The following ARID1B variants were observed in gnomAD, a reference collection of about 807,000 sequenced individuals.
ARID1B encodes the protein AT-rich interactive domain-containing protein 1B.
In ARID1B, 30 loss-of-function variants were observed where a neutral mutation model predicts 212.3. That is an observed-to-expected ratio of 0.14 (90% CI 0.11 to 0.19). The LOEUF (loss-of-function observed/expected upper bound fraction) is 0.19, where lower values mean the gene tolerates loss of function less well. Ranked by LOEUF, ARID1B falls within the 10% of genes least tolerant of loss-of-function variation. ARID1B has a pLI of 1.00. For missense variants in ARID1B, 2,891 were observed against 3,204.0 expected, an observed-to-expected ratio of 0.90 and a Z score of 2.36; for synonymous variants, 1,402 against 1,301.7, an observed-to-expected ratio of 1.08 and a Z score of -1.66.
At position 157,161,117 on chromosome 6, in the gene ARID1B, A is replaced by T. The variant is rs145674085; in HGVS notation, c.3090-5923A>T. Among the ~76,000 whole-genome samples, 1,001 of 152,298 alleles carry T rather than the reference A, an allele frequency of 6.6e-3. 9 individuals carry two copies. Among genetic ancestry groups the T allele is most frequent in the African/African-American group, 0.023 (962 of 41,546 alleles). On this transcript the variant is annotated intron_variant, in intron 8 of 19. Transcript: ENST00000636930. ...CAGTAGGTATTTCTGGTTAATTGTA[A>T]TTACTTATAGCATGTCTCCCTGAGC...
At chr6:156,861,828 C>G (rs144301927) in intron 2 of ARID1B, among the ~76,000 whole-genome samples, 1 of 152,062 alleles carries the variant, frequency 6.6e-6, no homozygotes, top group African/African-American at 2.4e-5. Flanking sequence ...GTGGGCTAGA[C>G]AGGGAGCCTG....
chr6:157,021,662 G>A lies in ARID1B; in HGVS notation c.2248-63000G>A, dbSNP rs148425023. On this transcript the variant is annotated intron_variant, in intron 4 of 19. Coordinates refer to ENST00000636930, the MANE Select transcript of ARID1B (RefSeq NM_001374828.1). ...GCCTTTGTGGGACCCCGCGGAAGGA[G>A]GCGCCGGCCGCAGCCACATTCCTTT... is the stretch of plus-strand genomic sequence containing the variant. Among the ~76,000 whole-genome samples the A allele has an allele frequency of 3.2e-3, 483 of 152,274 alleles. 6 individuals are homozygous for A. The highest frequency in any genetic ancestry group is 0.026 in the Admixed American group (401 of 15,302).
intron 4 of ARID1B, among the ~76,000 whole-genome samples, chr6:157,067,880 A>T (rs1031965294): frequency 3.3e-5 from 5 of 152,136 alleles, no homozygotes; most frequent in African/African-American, 1.2e-4. Flanking sequence ...CCATAGGTGG[A>T]GTTAATTCCA....
intron 1 of ARID1B, among the ~76,000 whole-genome samples, chr6:156,826,009 G>A (rs1000360719): frequency 2.0e-5 from 3 of 152,160 alleles, no homozygotes; most frequent in Admixed American, 1.3e-4. Context: ...TAATTATGAA[G>A]GCGGCTCAGG....
intron 1 of ARID1B, among the ~76,000 whole-genome samples, chr6:156,796,708 T>A (rs1780405601): frequency 6.6e-6 from 1 of 152,188 alleles, no homozygotes; most frequent in Non-Finnish European, 1.5e-5. Flanking sequence ...GCATAGAGAA[T>A]AGTTATCCTT....
At chr6:156,980,431 C>T (rs759004342) in intron 4 of ARID1B, among the ~76,000 whole-genome samples, 20 of 151,994 alleles carry the variant, frequency 1.3e-4, no homozygotes, top group Admixed American at 5.9e-4. Flanking sequence ...AGCAGTGAGC[C>T]GAGATCATGC....
chr6:157,190,297 A>G lies in ARID1B; in HGVS notation c.4231+87A>G, dbSNP rs1793269851. The G allele has an allele frequency of 7.0e-7, 1 of 1,429,716 alleles. No individual in the cohort carries two copies. Among genetic ancestry groups the G allele is most frequent in the East Asian group, 2.3e-5 (1 of 43,258 alleles). 88.6% of individuals were successfully genotyped at this position (1,429,716 alleles called of 1,614,324 possible). Reference sequence around the variant, plus strand: ...CACAACAGTTCACCTTTCACTCAGAACACCTCTGAGCCCATGCTGCATCGG... The same window carrying G: ...CACAACAGTTCACCTTTCACTCAGAGCACCTCTGAGCCCATGCTGCATCGG... On this transcript the variant is annotated intron_variant, in intron 15 of 19. Coordinates refer to ENST00000636930, the MANE Select transcript of ARID1B (RefSeq NM_001374828.1). This position sits in a 1 kb window ranked among gnomAD's most constrained non-coding sequence, Gnocchi z 4.6.
At chr6:156,946,287 G>T (rs992777677) in intron 4 of ARID1B, among the ~76,000 whole-genome samples, 2 of 151,952 alleles carry the variant, frequency 1.3e-5, no homozygotes, top group African/African-American at 4.8e-5. Context: ...CAAGAGAATT[G>T]CTTGAACCTG....
intron 4 of ARID1B, among the ~76,000 whole-genome samples, chr6:156,990,657 A>G (rs1050317883): frequency 6.6e-6 from 1 of 151,982 alleles, no homozygotes; most frequent in African/African-American, 2.4e-5. Context: ...ACAAACAAAC[A>G]AACAGAACAT....
At chr6:157,036,656 G>T (rs1333373359) in intron 4 of ARID1B, 1 of 337,456 alleles carries the variant, frequency 3.0e-6, no homozygotes, top group Non-Finnish European at 5.9e-6. Context: ...ACGGTGACTG[G>T]GATTTCAGCC....
chr6:156,856,652 G>A (rs1013906449), intron 2 of ARID1B, among the ~76,000 whole-genome samples: 1 of 149,378 alleles, frequency 6.7e-6, no homozygotes, highest in African/African-American at 2.5e-5. Context: ...AATACATCCT[G>A]TGTGTGTGGG....
intron 3 of ARID1B, among the ~76,000 whole-genome samples, chr6:156,921,499 T>A (rs960327265): frequency 4.7e-5 from 7 of 148,482 alleles, no homozygotes; most frequent in Non-Finnish European, 1.0e-4. Context: ...ACACAAAATG[T>A]AAGGGAATCT....
At chr6:157,023,117 G>C (rs950892269) in intron 4 of ARID1B, 6 of 152,214 alleles carry the variant, frequency 3.9e-5, no homozygotes, top group African/African-American at 9.7e-5. Context: ...GCCAGTTACA[G>C]TTTAAATTAA....
At chr6:157,108,891 T>C (rs182317471) in intron 5 of ARID1B, among the ~76,000 whole-genome samples, 3 of 152,336 alleles carry the variant, frequency 2.0e-5, no homozygotes, top group Admixed American at 1.3e-4. Flanking sequence ...TCTTTGGTTT[T>C]CACTTAATCT....
At chr6:157,178,178 A>G (rs1202626919) in intron 11 of ARID1B, among the ~76,000 whole-genome samples, 1 of 152,046 alleles carries the variant, frequency 6.6e-6, no homozygotes, top group Non-Finnish European at 1.5e-5. Flanking sequence ...GCTCGGTGAA[A>G]TCCTGTTTAT....
intron 6 of ARID1B, among the ~76,000 whole-genome samples, chr6:157,113,210 C>T (rs533007538): frequency 1.1e-4 from 16 of 152,252 alleles, no homozygotes; most frequent in African/African-American, 3.1e-4. Context: ...CATGAGCCAC[C>T]GCACCCGGCC....
At chr6:156,994,822 C>T (rs1778491953) in intron 4 of ARID1B, among the ~76,000 whole-genome samples, 1 of 152,180 alleles carries the variant, frequency 6.6e-6, no homozygotes, top group South Asian at 2.1e-4. Flanking sequence ...CCCGGTGTGC[C>T]CTCACAGGAG....
At chr6:157,194,789 C>T (rs1000230871) in intron 15 of ARID1B, 1 of 152,124 alleles carries the variant, frequency 6.6e-6, no homozygotes, top group African/African-American at 2.4e-5. Flanking sequence ...CTCCTTACAA[C>T]CATTTCATGA....
At chr6:156,846,326 T>A (rs958333536) in intron 2 of ARID1B, among the ~76,000 whole-genome samples, 22 of 148,884 alleles carry the variant, frequency 1.5e-4, no homozygotes, top group African/African-American at 5.1e-4. Flanking sequence ...GGCTAATATT[T>A]TTTTTTTTTT....
Sources: allele counts gnomAD v4.1 joint callset (sites outside exome capture counted in the v4.1 genomes callset), GRCh38; gene constraint gnomAD v4.1.1; non-coding constraint Gnocchi (gnomAD v3.1); transcripts MANE v1.5; gene names NCBI Gene and HGNC (gene_info 2026-07-23, HGNC 2026-07-21).